TTK: variants seen among roughly 807,000 people sequenced by gnomAD.
TTK encodes the protein TTK protein kinase.
In TTK, 59 loss-of-function variants were observed where a neutral mutation model predicts 117.3. That is an observed-to-expected ratio of 0.50 (90% CI 0.41 to 0.62). The LOEUF is 0.62. Among genes scored for constraint, TTK ranks in the 20% least tolerant of loss-of-function variants. The pLI, the probability that TTK is intolerant of heterozygous loss-of-function variation, is 0.00. For synonymous variants in TTK, 302 were observed against 325.0 expected (o/e 0.93, Z 0.76); for missense variants, 921 against 989.4 (o/e 0.93, Z 0.93).
At chr6:80,034,567 A>G (rs1362657652) in intron 14 of TTK, among the ~76,000 whole-genome samples, 1 of 152,134 alleles carries the variant, frequency 6.6e-6, no homozygotes, top group African/African-American at 2.4e-5. Flanking sequence ...GGCTCAAGCA[A>G]TTGTCCCACC....
In TTK at chr6:80,038,065, T is replaced by G. The variant is rs767945352; in HGVS notation, c.2130+18T>G. 3 of 1,538,730 alleles carry G rather than the reference T, an allele frequency of 1.9e-6. No individual in the cohort carries two copies. The South Asian group carries it at 3.5e-5, about 18-fold the overall frequency. Reference sequence around the variant, plus strand: ...AGTCAAAGGTACTGAAAAGATTATTTACATCACAATTATCTGGCAACAGTA... The same window carrying G: ...AGTCAAAGGTACTGAAAAGATTATTGACATCACAATTATCTGGCAACAGTA... On this transcript the variant is annotated intron_variant, in intron 18 of 21. Transcript: ENST00000369798.
Position 80,040,290 on chromosome 6 carries a change from C to T in TTK, c.2392+10C>T, listed in dbSNP as rs1475543752. 6.4e-7 allele frequency: 1 copy of T among 1,564,262 alleles called. No homozygotes were observed. The highest frequency in any genetic ancestry group is 2.3e-5 in the East Asian group (1 of 43,214). On this transcript the variant is annotated intron_variant, in intron 20 of 21. Transcript: ENST00000369798. ...ATTCAAACTCATCCAGGTACTACTT[C>T]TTTAAAAATTTGTTTATTACTAGAT...
At chr6:80,018,094 G>A (rs1363664219) in intron 10 of TTK, among the ~76,000 whole-genome samples, 1 of 151,780 alleles carries the variant, frequency 6.6e-6, no homozygotes, top group Non-Finnish European at 1.5e-5. Flanking sequence ...AGGATCACTT[G>A]AGCCCAGGAG....
chr6:80,012,389 A>T (rs771287497), intron 8 of TTK, among the ~76,000 whole-genome samples: 1 of 151,936 alleles, frequency 6.6e-6, no homozygotes, highest in African/African-American at 2.4e-5. Flanking sequence ...AGTGGGATAG[A>T]TGATTATTCT....
At chr6:80,007,679 A>G (rs1465667509) in intron 2 of TTK, 130 bp from the exon 3 acceptor site, 2 of 608,206 alleles carry the variant, frequency 3.3e-6, no homozygotes, top group East Asian at 6.2e-5. Context: ...ACAATTTTAA[A>G]AAGTATTATA....
Position 80,007,991 on chromosome 6 carries a change from A to ACACG in TTK, c.322_323insCACG (p.Ser108ThrfsTer5). The ACACG allele has an allele frequency of 3.1e-5, 49 of 1,591,396 alleles. No individual in the cohort carries two copies. The highest frequency in any genetic ancestry group is 4.1e-5 in the Non-Finnish European group (47 of 1,159,828). Reference sequence around the variant, plus strand: ...CCCAGATAAATATGGCCAAAATGAGAGTTTTGCTAGAATTCAAGTGAGATT... The same window carrying ACACG: ...CCCAGATAAATATGGCCAAAATGAGACACGGTTTTGCTAGAATTCAAGTGAGATT... On this transcript the variant is annotated frameshift_variant, in exon 3 of 22. Coordinates refer to ENST00000369798, the MANE Select transcript of TTK (RefSeq NM_003318.5). LOFTEE classifies it high-confidence loss of function.
intron 4 of TTK, 80 bp from the exon 5 acceptor site, chr6:80,010,734 C>A: frequency 7.3e-7 from 1 of 1,379,246 alleles, no homozygotes. Flanking sequence ...TTTTCTAGGT[C>A]CTGATGAATA....
At position 80,036,549 on chromosome 6, in the gene TTK, A is replaced by G. The variant is rs1767910845; in HGVS notation, c.1999A>G (p.Ile667Val). Residue 667 changes from isoleucine to valine, a missense_variant, in exon 17 of 22, where the codon ATT becomes GTT. Physicochemically the swap from Ile to Val is conservative, Grantham distance 29. Transcript: ENST00000369798. ...DGMLKLIDFG[I>V]ANQMQPDTTS... ...AATGCTAAAGCTAATTGATTTTGGG[A>G]TTGCAAACCAAATGCAACCAGATAC... The G allele has an allele frequency of 3.7e-6, 6 of 1,611,662 alleles. No individual in the cohort carries two copies. The highest frequency in any genetic ancestry group is 5.1e-6 in the Non-Finnish European group (6 of 1,178,858).
Position 80,026,440 on chromosome 6 carries a change from A to G in TTK, c.1320A>G (p.Ser440=). 1 of 1,613,916 alleles carries G rather than the reference A, an allele frequency of 6.2e-7. No individual in the cohort carries two copies. The highest frequency in any genetic ancestry group is 8.5e-7 in the Non-Finnish European group (1 of 1,179,886). Reference sequence around the variant, plus strand: ...TTTCAAAACAGTCACCACCAATATCAACATCTAAATGGTTTGACCCAAAAT... The same window carrying G: ...TTTCAAAACAGTCACCACCAATATCGACATCTAAATGGTTTGACCCAAAAT... ...FSVSKQSPPI[S]TSKWFDPKSI... The change falls in exon 12 of 22, where the codon TCA becomes TCG. Residue 440 remains serine (S), a synonymous_variant. Transcript: ENST00000369798.
intron 12 of TTK, among the ~76,000 whole-genome samples, chr6:80,027,242 C>A (rs1026471038): frequency 2.6e-5 from 4 of 152,090 alleles, no homozygotes; most frequent in African/African-American, 7.2e-5. Flanking sequence ...TATAACCCAG[C>A]CTCTTACCTA....
rs73476018 is a variant in TTK at position 80,014,686 on chromosome 6, T to C, written c.1108+100T>C. 1,189 of 1,220,792 alleles carry C rather than the reference T, an allele frequency of 9.7e-4. 14 individuals are homozygous for C. The African/African-American group carries it at 0.016, about 17-fold the overall frequency. The allele number at this position is 1,220,792 out of a possible 1,614,324, so 75.6% of individuals were successfully genotyped here. A position where few individuals can be genotyped will look rare whatever the true frequency, so the allele number is the denominator to read the frequency against. ...CCACCTAAGAATTATGATGTGAAAC[T>C]GTGTCTATGTTCTTTTATCTTGAAT... On this transcript the variant is annotated intron_variant, in intron 10 of 21. Transcript: ENST00000369798.
At chr6:80,035,542 TAGA>T in intron 16 of TTK, 125 bp downstream of exon 16, 3 of 994,492 alleles carry the variant, frequency 3.0e-6, no homozygotes, top group Non-Finnish European at 4.2e-6. Flanking sequence ...ACTAAATAAT[TAGA>T]AGTTTATTTA....
Position 80,038,052 on chromosome 6 carries a change from T to C in TTK, c.2130+5T>C, listed in dbSNP as rs766205331. 2 of 1,594,172 alleles carry C rather than the reference T, an allele frequency of 1.3e-6. No homozygotes were observed. Among genetic ancestry groups the C allele is most frequent in the Admixed American group, 3.4e-5 (2 of 58,838 alleles). ...AATGGGAAATCTAAGTCAAAGGTACTGAAAAGATTATTTACATCACAATTA... is the reference window on the plus strand; with the variant it reads ...AATGGGAAATCTAAGTCAAAGGTACCGAAAAGATTATTTACATCACAATTA... On this transcript the variant is annotated splice_donor_5th_base_variant and intron_variant, in intron 18 of 21. Transcript: ENST00000369798.
chr6:80,010,975 C>T lies in TTK; in HGVS notation c.613+18C>T. 6.2e-7 allele frequency: 1 copy of T among 1,601,008 alleles called. No individual in the cohort carries two copies. Among genetic ancestry groups the T allele is most frequent in the African/African-American group, 1.3e-5 (1 of 74,294 alleles). On this transcript the variant is annotated intron_variant, in intron 5 of 21. Coordinates refer to ENST00000369798, the MANE Select transcript of TTK (RefSeq NM_003318.5). ...TTTATCAGGTAACTATTAAGGTATA[C>T]TAATACTTTCTGTGGTAGGTAGTAC...
At chr6:80,007,675 T>A in intron 2 of TTK, 134 bp from the exon 3 acceptor site, 1 of 594,882 alleles carries the variant, frequency 1.7e-6, no homozygotes, top group Non-Finnish European at 2.7e-6. Flanking sequence ...TTTTACAATT[T>A]TAAAAAGTAT....
chr6:80,013,893 G>A (rs1184463349), intron 9 of TTK, among the ~76,000 whole-genome samples: 1 of 151,996 alleles, frequency 6.6e-6, no homozygotes, highest in Non-Finnish European at 1.5e-5. Flanking sequence ...TTATAATTGA[G>A]TTAAACCCCT....
intron 18 of TTK, among the ~76,000 whole-genome samples, chr6:80,039,036 T>C (rs538623259): frequency 6.6e-6 from 1 of 152,244 alleles, no homozygotes; most frequent in Non-Finnish European, 1.5e-5. Context: ...GTAACACATC[T>C]TCAAGATATG....
In TTK at chr6:80,035,345, T is replaced by A; in HGVS notation, c.1852T>A (p.Ser618Thr). Residue 618 changes from serine to threonine, a missense_variant, in exon 16 of 22, where the codon TCC becomes ACC. Ser to Thr is a moderately conservative substitution (Grantham distance 58). Transcript: ENST00000369798. Reference protein sequence around the residue: ...DLNSWLKKKKSIDPWERKSYW... With the variant: ...DLNSWLKKKKTIDPWERKSYW... The stretch of plus-strand genomic sequence containing the variant: ...TAATAGTTGGCTTAAAAAGAAAAAA[T>A]CCATTGATCCATGGGAACGCAAGAG... The A allele has an allele frequency of 6.2e-7, 1 of 1,612,480 alleles. No homozygotes were observed. Among genetic ancestry groups the A allele is most frequent in the Non-Finnish European group, 8.5e-7 (1 of 1,179,212 alleles).
At chr6:80,021,228 T>C (rs1294111656) in intron 10 of TTK, among the ~76,000 whole-genome samples, 3 of 152,114 alleles carry the variant, frequency 2.0e-5, no homozygotes, top group African/African-American at 7.2e-5. Flanking sequence ...CAGACAAGGG[T>C]GGTCTCCCTA....
Sources: allele counts gnomAD v4.1 joint callset (sites outside exome capture counted in the v4.1 genomes callset), GRCh38; gene constraint gnomAD v4.1.1; transcripts MANE v1.5; gene names NCBI Gene and HGNC (gene_info 2026-07-23, HGNC 2026-07-21).